Variants in ANKRD36 observed in about 807,000 individuals in gnomAD.
ANKRD36 encodes ankyrin repeat domain 36, also known as ankyrin repeat domain-containing protein 36A.
A neutral mutation model predicts 278.1 loss-of-function variants in ANKRD36; 179 were observed. That is an observed-to-expected ratio of 0.64 (90% CI 0.57 to 0.73). The LOEUF is 0.73. Ranked by LOEUF, ANKRD36 falls within the 30% of genes least tolerant of loss-of-function variation. The pLI is 0.00. For missense variants in ANKRD36, 1,159 were observed against 1,956.7 expected, an observed-to-expected ratio of 0.59 and a Z score of 7.69; for synonymous variants, 320 against 641.1, an observed-to-expected ratio of 0.50 and a Z score of 7.57.
At chr2:97,148,406 TC>T (rs2044909719) in intron 11 of ANKRD36, among the ~76,000 whole-genome samples, 1 of 152,312 alleles carries the variant, frequency 6.6e-6, no homozygotes, top group African/African-American at 2.4e-5. Flanking sequence ...TTGCCACAGA[TC>T]CCTGCAGAAG....
intron 15 of ANKRD36, among the ~76,000 whole-genome samples, chr2:97,157,130 C>CCTCTCTCTCTCTCT (rs564270958): frequency 7.4e-5 from 5 of 67,340 alleles, no homozygotes; most frequent in African/African-American, 1.6e-4. Flanking sequence ...GTTTTTTTTT[C>CCTCTCTCTCTCTCT]CTCTCTCTCT....
chr2:97,217,453 G>A, intron 64 of ANKRD36, 81 bp downstream of exon 64: 1 of 1,535,902 alleles, frequency 6.5e-7, no homozygotes, highest in South Asian at 1.2e-5. Context: ...TCAGCAGGGT[G>A]CTCATTGAAA....
intron 38 of ANKRD36, among the ~76,000 whole-genome samples, chr2:97,193,629 G>A (rs1213514951): frequency 6.6e-6 from 1 of 151,440 alleles, no homozygotes; most frequent in African/African-American, 2.4e-5. Flanking sequence ...AAAAATATTT[G>A]CTTTTGGCTA....
intron 52 of ANKRD36, 111 bp from the exon 53 acceptor site, chr2:97,207,700 C>T: frequency 1.3e-6 from 2 of 1,498,234 alleles, no homozygotes; most frequent in Non-Finnish European, 1.8e-6. Context: ...GCCATCAAAG[C>T]CTACGCTAAT....
chr2:97,176,871 T>A (rs904089324), intron 22 of ANKRD36, among the ~76,000 whole-genome samples: 70 of 151,830 alleles, frequency 4.6e-4, no homozygotes, highest in African/African-American at 1.6e-3. Flanking sequence ...ATTTTATTTC[T>A]CCTTCACTTA....
intron 17 of ANKRD36, among the ~76,000 whole-genome samples, chr2:97,160,795 C>CTATATCCATAATATGAAT (rs1238898584): frequency 6.6e-6 from 1 of 151,942 alleles, no homozygotes. Flanking sequence ...AATAAACATT[C>CTATATCCATAATATGAAT]ATACAAGTTA....
intron 22 of ANKRD36, among the ~76,000 whole-genome samples, chr2:97,173,529 C>A (rs577774239): frequency 6.6e-6 from 1 of 151,924 alleles, no homozygotes; most frequent in Admixed American, 6.6e-5. Flanking sequence ...TAAAGCAAAA[C>A]CTTATCCTCA....
chr2:97,204,314 G>T (rs6577004), intron 50 of ANKRD36, 51 bp downstream of exon 50: 2 of 1,496,584 alleles, frequency 1.3e-6, no homozygotes, highest in Non-Finnish European at 1.8e-6. Flanking sequence ...TAGATAAGAA[G>T]TTCTCTTCCC....
chr2:97,186,010 T>C (rs2057350643), intron 30 of ANKRD36, among the ~76,000 whole-genome samples: 1 of 151,768 alleles, frequency 6.6e-6, no homozygotes, highest in Non-Finnish European at 1.5e-5. Flanking sequence ...AAGTTATTTA[T>C]GCAATTTTGG....
intron 36 of ANKRD36, among the ~76,000 whole-genome samples, chr2:97,192,272 A>G (rs2058686667): frequency 6.6e-6 from 1 of 151,870 alleles, no homozygotes; most frequent in South Asian, 2.1e-4. Flanking sequence ...ATTACACCAC[A>G]TGGGTGTGAG....
In ANKRD36 at chr2:97,185,073, T is replaced by A. The variant is rs145748754; in HGVS notation, c.1940-243T>A. ...TATTCACATTGATAGTAACACTGTT[T>A]CATTTTAGTTTTAGACATATGAAAA... is the stretch of plus-strand genomic sequence containing the variant. On this transcript the variant is annotated intron_variant, in intron 28 of 75. Coordinates refer to ENST00000420699, the MANE Select transcript of ANKRD36 (RefSeq NM_001354587.1). Among the ~76,000 whole-genome samples, 19 of 151,908 alleles carry A rather than the reference T, an allele frequency of 1.3e-4. No homozygotes were observed. In the East Asian group the frequency reaches 3.7e-3, roughly 30 times the overall value.
At chr2:97,210,844 A>T (rs1444066831) in intron 56 of ANKRD36, among the ~76,000 whole-genome samples, 1 of 151,848 alleles carries the variant, frequency 6.6e-6, no homozygotes. Context: ...AAAGTTGATA[A>T]TTGATGATAT....
chr2:97,199,930 A>G (rs1242957641), intron 44 of ANKRD36, among the ~76,000 whole-genome samples: 22 of 152,000 alleles, frequency 1.4e-4, no homozygotes, highest in Middle Eastern at 3.4e-3. Context: ...TTGCAGTATA[A>G]TGGTGTAAAT....
chr2:97,203,718 C>G (rs2062022816), intron 48 of ANKRD36, among the ~76,000 whole-genome samples: 2 of 151,790 alleles, frequency 1.3e-5, no homozygotes, highest in Admixed American at 6.6e-5. Flanking sequence ...GATCATGTAG[C>G]ACCTGCTTTG....
chr2:97,128,833 G>C (rs1028836683), intron 6 of ANKRD36, among the ~76,000 whole-genome samples: 5 of 152,076 alleles, frequency 3.3e-5, no homozygotes, highest in Admixed American at 6.6e-5. Context: ...ACTGGAACCA[G>C]CTTGTCCAAA....
At chr2:97,209,894 A>C (rs760422100) in intron 56 of ANKRD36, 22 bp downstream of exon 56, 623 of 1,560,788 alleles carry the variant, frequency 4.0e-4, no homozygotes, top group Non-Finnish European at 4.9e-4. Context: ...AACAGATTTA[A>C]TGTCATGTTC....
Position 97,202,946 on chromosome 2 carries a change from G to C in ANKRD36, c.2959+553G>C, listed in dbSNP as rs576983287. The stretch of plus-strand genomic sequence containing the variant: ...AGTGAACTCACTTCAGATGCATTTG[G>C]AATATTTTAATAAAAAATACTTGAT... On this transcript the variant is annotated intron_variant, in intron 48 of 75. Coordinates refer to ENST00000420699, the MANE Select transcript of ANKRD36 (RefSeq NM_001354587.1). 5.5e-4 allele frequency among the ~76,000 whole-genome samples: 84 copies of C among 151,820 alleles called. 1 individual carries two copies. Among genetic ancestry groups the C allele is most frequent in the African/African-American group, 1.9e-3 (79 of 41,432 alleles).
At chr2:97,134,225 C>T (rs1462004847) in intron 6 of ANKRD36, among the ~76,000 whole-genome samples, 1 of 152,036 alleles carries the variant, frequency 6.6e-6, no homozygotes, top group Non-Finnish European at 1.5e-5. Flanking sequence ...ATTAAGCTAT[C>T]CATTGTGCTT....
chr2:97,163,968 A>G, intron 18 of ANKRD36: 1 of 1,167,706 alleles, frequency 8.6e-7, no homozygotes, highest in Non-Finnish European at 1.1e-6. Flanking sequence ...ATTTGACGTC[A>G]TCTTTTTTGG....
Sources: allele counts gnomAD v4.1 joint callset (sites outside exome capture counted in the v4.1 genomes callset), GRCh38; gene constraint gnomAD v4.1.1; transcripts MANE v1.5; gene names NCBI Gene and HGNC (gene_info 2026-07-23, HGNC 2026-07-21).